Variants in TNNI3K observed in about 807,000 individuals in gnomAD.
TNNI3K encodes the protein serine/threonine-protein kinase TNNI3K.
Under a neutral mutation model 114.5 loss-of-function variants are expected in TNNI3K, and 140 were observed. That is an observed-to-expected ratio of 1.22 (90% CI 1.07 to 1.41). The LOEUF is 1.41. Ranked by LOEUF, TNNI3K falls within the 40% of genes most tolerant of loss-of-function variation. The pLI is 0.00. For missense variants in TNNI3K, 1,125 were observed against 1,007.6 expected (o/e 1.12, Z -1.58); for synonymous variants, 347 against 347.5 (o/e 1.00, Z 0.02).
intron 6 of TNNI3K, among the ~76,000 whole-genome samples, chr1:74,333,801 A>G (rs1358782639): frequency 6.6e-6 from 1 of 152,246 alleles, no homozygotes. Flanking sequence ...TAGGTATGTA[A>G]TAATAGTCCT....
intron 17 of TNNI3K, among the ~76,000 whole-genome samples, chr1:74,395,195 C>G (rs1287621689): frequency 9.9e-5 from 15 of 152,244 alleles, no homozygotes; most frequent in Admixed American, 9.2e-4. Context: ...TGTAACCATG[C>G]TGGGGGTGCC....
In TNNI3K at chr1:74,269,946, T is replaced by G. The variant is rs552985781; in HGVS notation, c.334-1652T>G. 2.0e-5 allele frequency among the ~76,000 whole-genome samples: 3 copies of G among 151,916 alleles called. No individual in the cohort carries two copies. In the South Asian group the frequency reaches 6.2e-4, roughly 32 times the overall value. The stretch of plus-strand genomic sequence containing the variant: ...AAAAAGGAATCAAGGAATGTATAGT[T>G]TTAGGAAAGCAAAGGAGATAAGAAT... On this transcript the variant is annotated intron_variant, in intron 4 of 24. Transcript: ENST00000326637.
At chr1:74,307,815 T>C (rs1431286805) in intron 5 of TNNI3K, among the ~76,000 whole-genome samples, 1 of 151,938 alleles carries the variant, frequency 6.6e-6, no homozygotes, top group East Asian at 1.9e-4. Flanking sequence ...ATTCAAAAAT[T>C]AGCTGGCCTT....
intron 4 of TNNI3K, among the ~76,000 whole-genome samples, chr1:74,269,265 G>A (rs1656199405): frequency 6.6e-6 from 1 of 151,676 alleles, no homozygotes; most frequent in Non-Finnish European, 1.5e-5. Flanking sequence ...TTTACTTTTT[G>A]TCTCTCCATT....
chr1:74,263,192 A>C (rs1306222077), intron 4 of TNNI3K, among the ~76,000 whole-genome samples: 2 of 152,082 alleles, frequency 1.3e-5, no homozygotes, highest in Admixed American at 6.6e-5. Flanking sequence ...ATGTAGACCC[A>C]TTATTTCCCA....
chr1:74,259,011 G>A (rs925638532), intron 4 of TNNI3K, among the ~76,000 whole-genome samples: 1 of 152,178 alleles, frequency 6.6e-6, no homozygotes, highest in Admixed American at 6.5e-5. Context: ...ATGATCAGTA[G>A]CATCCACCCC....
At chr1:74,539,163 G>A (rs545276965) in intron 23 of TNNI3K, among the ~76,000 whole-genome samples, 6 of 152,256 alleles carry the variant, frequency 3.9e-5, no homozygotes, top group African/African-American at 1.2e-4. Flanking sequence ...GGATAGTTTA[G>A]GATTATATTT....
intron 17 of TNNI3K, among the ~76,000 whole-genome samples, chr1:74,404,743 T>G (rs1210357378): frequency 6.6e-6 from 1 of 152,194 alleles, no homozygotes; most frequent in Non-Finnish European, 1.5e-5. Flanking sequence ...TGCTTCATCC[T>G]CTTTATGAAT....
intron 23 of TNNI3K, among the ~76,000 whole-genome samples, chr1:74,520,486 T>C (rs890639443): frequency 8.6e-5 from 13 of 151,984 alleles, no homozygotes; most frequent in Non-Finnish European, 1.6e-4. Context: ...CATCCATCCA[T>C]CTGTTTCCCT....
intron 20 of TNNI3K, among the ~76,000 whole-genome samples, chr1:74,444,358 A>G (rs557058169): frequency 1.2e-3 from 180 of 152,296 alleles, no homozygotes; most frequent in African/African-American, 4.2e-3. Context: ...TCAATGTGCA[A>G]AAATCACAAG....
chr1:74,509,515 T>C (rs925137354), intron 23 of TNNI3K, among the ~76,000 whole-genome samples: 6 of 152,186 alleles, frequency 3.9e-5, no homozygotes, highest in Admixed American at 1.3e-4. Flanking sequence ...TTGTCCTTTA[T>C]TGTTTAGGGC....
chr1:74,484,002 T>C (rs1279512580), intron 21 of TNNI3K, among the ~76,000 whole-genome samples: 2 of 152,182 alleles, frequency 1.3e-5, no homozygotes, highest in Admixed American at 6.5e-5. Context: ...TATTTCTTTT[T>C]ATTTTTTGCT....
intron 7 of TNNI3K, among the ~76,000 whole-genome samples, chr1:74,340,894 G>A (rs1029636288): frequency 3.9e-5 from 6 of 152,090 alleles, no homozygotes; most frequent in African/African-American, 9.7e-5. Context: ...TGAATGAAAG[G>A]CGTCTTTTTG....
chr1:74,442,308 T>C (rs1666410453), intron 20 of TNNI3K, among the ~76,000 whole-genome samples: 1 of 152,216 alleles, frequency 6.6e-6, no homozygotes, highest in African/African-American at 2.4e-5. Context: ...AACTCTATTC[T>C]GTTTCACTGA....
chr1:74,480,021 C>T, intron 21 of TNNI3K: 5 of 606,684 alleles, frequency 8.2e-6, no homozygotes, highest in Non-Finnish European at 8.8e-6. Context: ...CTAATATCCT[C>T]CCACATCTAC....
intron 17 of TNNI3K, among the ~76,000 whole-genome samples, chr1:74,396,957 C>T (rs1007579550): frequency 4.6e-5 from 7 of 152,076 alleles, no homozygotes; most frequent in Admixed American, 3.9e-4. Flanking sequence ...AATGAGAAAA[C>T]GATTGAGGAA....
chr1:74,328,407 C>T (rs1188013172), intron 5 of TNNI3K, among the ~76,000 whole-genome samples: 1 of 149,900 alleles, frequency 6.7e-6, no homozygotes, highest in Non-Finnish European at 1.5e-5. Flanking sequence ...TGTCTTAGTC[C>T]ACGTGACGGA....
intron 17 of TNNI3K, among the ~76,000 whole-genome samples, chr1:74,385,523 A>C (rs1663427355): frequency 6.6e-6 from 1 of 152,204 alleles, no homozygotes; most frequent in Non-Finnish European, 1.5e-5. Flanking sequence ...TCAAAACCTT[A>C]AAAGGGAGAA....
intron 5 of TNNI3K, among the ~76,000 whole-genome samples, chr1:74,284,807 C>T (rs765751155): frequency 6.6e-6 from 1 of 152,188 alleles, no homozygotes; most frequent in Non-Finnish European, 1.5e-5. Context: ...ACAAGCTTAG[C>T]GTTCCAATAA....
Sources: allele counts gnomAD v4.1 joint callset (sites outside exome capture counted in the v4.1 genomes callset), GRCh38; gene constraint gnomAD v4.1.1; transcripts MANE v1.5; gene names NCBI Gene and HGNC (gene_info 2026-07-23, HGNC 2026-07-21).